Variants in CCT8 observed in about 807,000 individuals in gnomAD.
CCT8 encodes T-complex protein 1 subunit theta.
A neutral mutation model predicts 65.7 loss-of-function variants in CCT8; 10 were observed. That is an observed-to-expected ratio of 0.15 (90% confidence interval 0.09 to 0.26). The LOEUF (loss-of-function observed/expected upper bound fraction) is 0.26. Among genes scored for constraint, CCT8 ranks in the 10% least tolerant of loss-of-function variants. The probability of loss-of-function intolerance (pLI) is 1.00; values close to 1 mark genes in which losing one functional copy is unlikely to be tolerated. For missense variants in CCT8, 568 were observed against 669.1 expected (o/e 0.85, Z 1.67); for synonymous variants, 199 against 221.8 (o/e 0.90, Z 0.92).
intron 1 of CCT8, among the ~76,000 whole-genome samples, chr21:29,071,491 G>T (rs2085679786): frequency 6.6e-6 from 1 of 151,610 alleles, no homozygotes; most frequent in African/African-American, 2.4e-5. Context: ...GGCCTCCCGG[G>T]TTCAAGCAAT....
At chr21:29,058,754 G>A (rs752062645) in intron 14 of CCT8, among the ~76,000 whole-genome samples, 6 of 151,712 alleles carry the variant, frequency 4.0e-5, no homozygotes, top group South Asian at 4.2e-4. Flanking sequence ...ACCACGCCCA[G>A]CTAATTTTTT....
At chr21:29,072,960 G>A (rs1384724116) in intron 1 of CCT8, among the ~76,000 whole-genome samples, 1 of 152,218 alleles carries the variant, frequency 6.6e-6, no homozygotes, top group African/African-American at 2.4e-5. Flanking sequence ...TTTAGATTAA[G>A]CCAGCTAACA....
intron 1 of CCT8, chr21:29,072,206 C>A: frequency 2.1e-6 from 1 of 465,318 alleles, no homozygotes; most frequent in Non-Finnish European, 3.8e-6. Context: ...CTTTTACAGA[C>A]ATTTTTACCT....
At chr21:29,059,182 C>T (rs939514689) in intron 14 of CCT8, among the ~76,000 whole-genome samples, 3 of 152,166 alleles carry the variant, frequency 2.0e-5, no homozygotes, top group South Asian at 4.1e-4. Flanking sequence ...TAATCCAGTC[C>T]GTACTACACT....
chr21:29,069,553 C>CT (rs767871657), intron 2 of CCT8, 51 bp from the exon 3 acceptor site: 2 of 1,096,528 alleles, frequency 1.8e-6, no homozygotes, highest in Non-Finnish European at 2.6e-6. Flanking sequence ...TTAATCAAAT[C>CT]CTTCCCCAAA....
At chr21:29,063,611 G>GTT in intron 7 of CCT8, 81 bp from the exon 8 acceptor site, 1 of 1,415,746 alleles carries the variant, frequency 7.1e-7, no homozygotes, top group Non-Finnish European at 9.7e-7. Flanking sequence ...GTTGACTGAA[G>GTT]AAATAAAGGT....
At position 29,065,043 on chromosome 21, in the gene CCT8, A is replaced by G. The variant is rs143385323; in HGVS notation, c.687T>C (p.Gly229=). ...TTGCATCTTTGACAGATGTTACATCACCTTCGGTTTCCTTCTTAAAAACCA... is the reference window on the plus strand; with the variant it reads ...TTGCATCTTTGACAGATGTTACATCGCCTTCGGTTTCCTTCTTAAAAACCA... The part of the protein sequence containing the change: ...HGMVFKKETE[G]DVTSVKDAKI... Residue 229 remains glycine (G), a synonymous_variant, in exon 7 of 15, where the codon GGT becomes GGC. Transcript: ENST00000286788. 819 of 1,613,854 alleles carry G rather than the reference A, an allele frequency of 5.1e-4. 1 individual carries two copies. The highest frequency in any genetic ancestry group is 2.6e-3 in the Middle Eastern group (16 of 6,062).
Position 29,064,972 on chromosome 21 carries a change from G to A in CCT8, c.758C>T (p.Thr253Ile). The A allele has an allele frequency of 1.2e-6, 2 of 1,613,632 alleles. No homozygotes were observed. Among genetic ancestry groups the A allele is most frequent in the Non-Finnish European group, 1.7e-6 (2 of 1,179,800 alleles). Reference sequence around the variant, plus strand: ...TAAGGTTTGAAGTCTACATACCTTAGTTTCTGTTATCATGCCATCAAAAGG... The same window carrying A: ...TAAGGTTTGAAGTCTACATACCTTAATTTCTGTTATCATGCCATCAAAAGG... The part of the protein sequence containing the change: ...SCPFDGMITE[T>I]KGTVLIKTAE... Residue 253 changes from threonine (T) to isoleucine (I), a missense_variant, in exon 7 of 15, where the codon ACT becomes ATT. By Grantham distance (89) the Thr-to-Ile change is moderately conservative. Transcript: ENST00000286788.
chr21:29,071,021 C>A (rs1568916356), intron 1 of CCT8, among the ~76,000 whole-genome samples: 1 of 152,178 alleles, frequency 6.6e-6, no homozygotes, highest in East Asian at 1.9e-4. Context: ...AAAATTCTCA[C>A]AAATTCTACA....
At position 29,062,247 on chromosome 21, in the gene CCT8, T is replaced by G; in HGVS notation, c.1097-4A>C. On this transcript the variant is annotated splice_polypyrimidine_tract_variant and splice_region_variant and intron_variant, in intron 10 of 14. Transcript: ENST00000286788. ...GAAATGGCGCCATCTTCCTTTTCTA[T>G]CAAAAAATTAAATATATTTGGTGAT... is the stretch of plus-strand genomic sequence containing the variant. 1 of 1,610,694 alleles carries G rather than the reference T, an allele frequency of 6.2e-7. No individual in the cohort carries two copies. The highest frequency in any genetic ancestry group is 1.1e-5 in the South Asian group (1 of 90,958).
chr21:29,070,369 A>G, intron 1 of CCT8, 32 bp from the exon 2 acceptor site: 1 of 1,403,706 alleles, frequency 7.1e-7, no homozygotes, highest in Non-Finnish European at 1.0e-6. Flanking sequence ...AAACCCCGCT[A>G]ATTAGACAGG....
At chr21:29,062,951 CATTTT>C (rs920568239) in intron 8 of CCT8, 2 of 312,850 alleles carry the variant, frequency 6.4e-6, no homozygotes, top group African/African-American at 4.3e-5. Context: ...TTATTTTGCA[CATTTT>C]ATTAGGTACT....
At chr21:29,070,174 A>G in intron 2 of CCT8, 73 bp downstream of exon 2, 1 of 892,304 alleles carries the variant, frequency 1.1e-6, no homozygotes, top group Non-Finnish European at 1.7e-6. Flanking sequence ...ACATCCTCAG[A>G]ACAAGTCTGA....
chr21:29,066,645 G>C, intron 6 of CCT8, 71 bp downstream of exon 6: 1 of 784,346 alleles, frequency 1.3e-6, no homozygotes, highest in Admixed American at 3.3e-5. Context: ...TTTTTTTTTT[G>C]CACAAAAAAA....
intron 14 of CCT8, among the ~76,000 whole-genome samples, chr21:29,057,677 TAC>T (rs2085514581): frequency 6.8e-6 from 1 of 147,658 alleles, no homozygotes; most frequent in Non-Finnish European, 1.5e-5. Context: ...GTATCATATA[TAC>T]GATACATATA....
intron 1 of CCT8, among the ~76,000 whole-genome samples, chr21:29,071,678 C>A (rs1190541948): frequency 6.7e-6 from 1 of 149,926 alleles, no homozygotes; most frequent in South Asian, 2.1e-4. Context: ...GAGCCACCAA[C>A]CCCTGCCAAT....
rs779949298 is a variant in CCT8 at position 29,057,709 on chromosome 21, AAT to A, written c.1570-1159_1570-1158del. On this transcript the variant is annotated intron_variant, in intron 14 of 14. Transcript: ENST00000286788. The stretch of plus-strand genomic sequence containing the variant: ...CATATATCATACATATATCATATAT[AAT>A]ATATATCATACATATATGTATGATA... 8.2e-5 allele frequency among the ~76,000 whole-genome samples: 12 copies of A among 146,538 alleles called. No homozygotes were observed. In the East Asian group the frequency reaches 1.4e-3, roughly 17 times the overall value.
intron 7 of CCT8, among the ~76,000 whole-genome samples, chr21:29,063,781 T>C (rs957626145): frequency 1.3e-5 from 2 of 152,174 alleles, no homozygotes; most frequent in African/African-American, 4.8e-5. Context: ...ATCTATTTAT[T>C]TATTTTGAGA....
chr21:29,065,122 C>T lies in CCT8; in HGVS notation c.625-17G>A. Reference sequence around the variant, plus strand: ...ACCAGAGCCCTAAGGAATTGAATACCAAACTCATCAGCAATCTCCTGAAAA... The same window carrying T: ...ACCAGAGCCCTAAGGAATTGAATACTAAACTCATCAGCAATCTCCTGAAAA... On this transcript the variant is annotated splice_polypyrimidine_tract_variant and intron_variant, in intron 6 of 14. Coordinates refer to ENST00000286788, the MANE Select transcript of CCT8 (RefSeq NM_006585.4). The T allele has an allele frequency of 9.3e-6, 15 of 1,611,452 alleles. No individual in the cohort carries two copies. The highest frequency in any genetic ancestry group is 1.2e-5 in the Non-Finnish European group (14 of 1,178,592).
Sources: gnomAD v4.1 joint callset for allele counts (sites outside exome capture counted in the v4.1 genomes callset) on GRCh38, gnomAD v4.1.1 for gene constraint, MANE v1.5 for transcripts, NCBI Gene and HGNC (gene_info 2026-07-23, HGNC 2026-07-21) for gene names.